The following CEP350 variants were observed in gnomAD, a reference collection of about 807,000 sequenced individuals.
CEP350 encodes centrosome-associated protein 350.
A neutral mutation model predicts 331.8 loss-of-function variants in CEP350; 126 were observed. That is an observed-to-expected ratio of 0.38 (90% CI 0.33 to 0.44). The LOEUF (loss-of-function observed/expected upper bound fraction) is 0.44. Among genes scored for constraint, CEP350 ranks in the 20% least tolerant of loss-of-function variants. The probability of loss-of-function intolerance (pLI) is 1.00; values close to 1 mark genes in which losing one functional copy is unlikely to be tolerated. For synonymous variants in CEP350, 1,200 were observed against 1,259.5 expected, an observed-to-expected ratio of 0.95 and a Z score of 1.00; for missense variants, 3,406 against 3,634.6, an observed-to-expected ratio of 0.94 and a Z score of 1.62.
intron 3 of CEP350, 73 bp from the exon 4 acceptor site, chr1:179,990,434 A>G: frequency 1.4e-6 from 1 of 693,146 alleles, no homozygotes. Flanking sequence ...ACTTTTAAAT[A>G]ACCATGTAAA....
chr1:180,003,128 T>C (rs1009212954), intron 6 of CEP350, 46 bp from the exon 7 acceptor site: 8 of 1,278,120 alleles, frequency 6.3e-6, no homozygotes, highest in South Asian at 5.4e-5. Context: ...ACAAAACTTA[T>C]AAAGCAACTT....
rs200255438 is a variant in CEP350 at position 180,099,780 on chromosome 1, AT to A, written c.9189+818del. ...GTTTATCATTCTTATGCCTTATTTG[AT>A]TTTTTTTTTTTTTTTTTTTTTTGAG... On this transcript the variant is annotated intron_variant, in intron 37 of 37. Coordinates refer to ENST00000367607, the MANE Select transcript of CEP350 (RefSeq NM_014810.5). Among the ~76,000 whole-genome samples the A allele has an allele frequency of 3.8e-3, 451 of 119,478 alleles. 1 individual carries two copies. The highest frequency in any genetic ancestry group is 0.013 in the African/African-American group (381 of 30,196). 78.4% of individuals were successfully genotyped at this position (119,478 alleles called of 152,430 possible). A position where few individuals can be genotyped will look rare whatever the true frequency, so the allele number is the denominator to read the frequency against.
At chr1:180,056,360 T>C (rs78791540) in intron 25 of CEP350, among the ~76,000 whole-genome samples, 1,643 of 152,148 alleles carry the variant, frequency 0.011, 22 homozygotes, top group Non-Finnish European at 0.015. Flanking sequence ...GTAGGCGTGG[T>C]TTCCTTTGTA....
chr1:180,041,556 G>T, intron 18 of CEP350, 106 bp from the exon 19 acceptor site: 1 of 1,126,508 alleles, frequency 8.9e-7, no homozygotes, highest in Non-Finnish European at 1.2e-6. Context: ...GTAGTAAAGT[G>T]TTTTTTACTA....
intron 3 of CEP350, among the ~76,000 whole-genome samples, chr1:179,989,864 G>A (rs551646026): frequency 6.6e-5 from 10 of 152,202 alleles, no homozygotes; most frequent in Middle Eastern, 3.4e-3. Context: ...AAATGCACAG[G>A]ATATATTGCA....
intron 22 of CEP350, among the ~76,000 whole-genome samples, chr1:180,049,548 T>C (rs895886495): frequency 6.6e-6 from 1 of 150,910 alleles, no homozygotes; most frequent in African/African-American, 2.4e-5. Context: ...TACACCTTTT[T>C]TTTTTTTTTT....
At chr1:179,988,202 TG>T (rs1652782562) in intron 3 of CEP350, among the ~76,000 whole-genome samples, 1 of 150,264 alleles carries the variant, frequency 6.7e-6, no homozygotes, top group Non-Finnish European at 1.5e-5. Flanking sequence ...GAGGCTGAGG[TG>T]GGATGATTAC....
Position 179,986,158 on chromosome 1 carries a change from T to A in CEP350, c.-13-11T>A. ...AAGATTGATGTTCGGTGAATACTGA[T>A]GTGATTGCAGGTAAATTGGCAGGAT... On this transcript the variant is annotated splice_polypyrimidine_tract_variant and intron_variant, in intron 1 of 37. Coordinates refer to ENST00000367607, the MANE Select transcript of CEP350 (RefSeq NM_014810.5). 2 of 1,545,776 alleles carry A rather than the reference T, an allele frequency of 1.3e-6. No homozygotes were observed. The highest frequency in any genetic ancestry group is 1.8e-6 in the Non-Finnish European group (2 of 1,142,330).
intron 4 of CEP350, among the ~76,000 whole-genome samples, 168 bp from the exon 5 acceptor site, chr1:179,991,894 G>A (rs183626246): frequency 1.2e-3 from 181 of 151,726 alleles, no homozygotes; most frequent in Non-Finnish European, 5.6e-4. Flanking sequence ...TAACCTGAAT[G>A]TTTTTCATGT....
intron 10 of CEP350, 100 bp from the exon 11 acceptor site, chr1:180,015,749 G>C: frequency 7.6e-7 from 1 of 1,314,072 alleles, no homozygotes; most frequent in Non-Finnish European, 1.0e-6. Context: ...TACATTTTAT[G>C]ATCTTTGTAG....
chr1:180,093,908 A>C lies in CEP350; in HGVS notation c.7803A>C (p.Pro2601=), dbSNP rs767199580. 6.2e-7 allele frequency: 1 copy of C among 1,613,932 alleles called. No homozygotes were observed. The highest frequency in any genetic ancestry group is 8.5e-7 in the Non-Finnish European group (1 of 1,179,866). Residue 2601 remains proline, a synonymous_variant, in exon 34 of 38, where the codon CCA becomes CCC. Transcript: ENST00000367607. ...AAGAGCAAAATGATACAGAGGGTCC[A>C]AAAGACAGAGAAAAGGATGTCAGTG... ...YNQEQNDTEG[P]KDREKDVSEY...
intron 5 of CEP350, among the ~76,000 whole-genome samples, chr1:179,995,178 G>A (rs542640430): frequency 1.3e-5 from 2 of 152,108 alleles, no homozygotes; most frequent in Non-Finnish European, 2.9e-5. Context: ...TGTTTCAGAC[G>A]TTCAGGTCCA....
chr1:179,993,633 AGGGTGGTCTTGAACTCATG>A (rs141698986), intron 5 of CEP350, among the ~76,000 whole-genome samples: 21,262 of 151,732 alleles, frequency 0.14, 1,577 homozygotes, highest in African/African-American at 0.17. Flanking sequence ...CATATTGCCC[AGGGTGGTCTTGAACTCATG>A]GGGTGGTCTT....
At chr1:180,102,704 G>C (rs1262340734) in intron 37 of CEP350, among the ~76,000 whole-genome samples, 3 of 152,160 alleles carry the variant, frequency 2.0e-5, no homozygotes, top group Non-Finnish European at 4.4e-5. Flanking sequence ...TACACACTTA[G>C]TATTTCATTA....
chr1:179,992,373 G>A (rs1216366825), intron 5 of CEP350, among the ~76,000 whole-genome samples, 152 bp downstream of exon 5: 1 of 152,078 alleles, frequency 6.6e-6, no homozygotes, highest in Non-Finnish European at 1.5e-5. Context: ...CTCCACAAAA[G>A]ATGGCTACAA....
rs373405828 is a variant in CEP350, at chr1:180,053,743, A to C, written c.4990-7A>C. 27 of 1,522,980 alleles carry C rather than the reference A, an allele frequency of 1.8e-5. No homozygotes were observed. The African/African-American group carries it at 3.6e-4, about 20-fold the overall frequency. The allele number at this position is 1,522,980 out of a possible 1,614,324, so 94.3% of individuals were successfully genotyped here. ...ATGATAAACAAGAAAGAAACCATCT[A>C]CTTTAGGAACTGAACATGCCATTCT... is the stretch of plus-strand genomic sequence containing the variant. On this transcript the variant is annotated splice_polypyrimidine_tract_variant and splice_region_variant and intron_variant, in intron 23 of 37. Coordinates refer to ENST00000367607, the MANE Select transcript of CEP350 (RefSeq NM_014810.5).
At chr1:179,964,231 G>A (rs1210463444) in intron 1 of CEP350, among the ~76,000 whole-genome samples, 1 of 152,058 alleles carries the variant, frequency 6.6e-6, no homozygotes, top group Non-Finnish European at 1.5e-5. Context: ...GGACTCCTTA[G>A]GGTTGAACAG....
At chr1:180,049,812 G>C (rs901858302) in intron 22 of CEP350, among the ~76,000 whole-genome samples, 1 of 152,168 alleles carries the variant, frequency 6.6e-6, no homozygotes, top group African/African-American at 2.4e-5. Flanking sequence ...AAAGTGCTGG[G>C]ATTACAGGTG....
At position 180,024,400 on chromosome 1, in the gene CEP350, A is replaced by G. The variant is rs370543647; in HGVS notation, c.3387-19A>G. 132 of 1,592,866 alleles carry G rather than the reference A, an allele frequency of 8.3e-5. No individual in the cohort carries two copies. The highest frequency in any genetic ancestry group is 1.1e-4 in the Admixed American group (6 of 55,832). The stretch of plus-strand genomic sequence containing the variant: ...TAAGACTTTTCTTTCTGGAACTACT[A>G]TTATTTATTCTTTGACAGTAGCACT... On this transcript the variant is annotated intron_variant, in intron 13 of 37. Coordinates refer to ENST00000367607, the MANE Select transcript of CEP350 (RefSeq NM_014810.5).
Sources: gnomAD v4.1 joint callset for allele counts (sites outside exome capture counted in the v4.1 genomes callset) on GRCh38, gnomAD v4.1.1 for gene constraint, MANE v1.5 for transcripts, NCBI Gene and HGNC (gene_info 2026-07-23, HGNC 2026-07-21) for gene names.